The following PIEZO1 variants were observed in gnomAD, a reference collection of about 807,000 sequenced individuals.
The protein encoded by PIEZO1 is piezo-type mechanosensitive ion channel component 1.
Under a neutral mutation model 297.2 loss-of-function variants are expected in PIEZO1, and 296 were observed. The ratio of observed to expected loss-of-function variants is 1.00; its 90% CI spans 0.91 to 1.10. PIEZO1 has a LOEUF of 1.10. PIEZO1 is among the 50% of genes least tolerant of loss of function. The probability of loss-of-function intolerance (pLI) is 0.00; values close to 1 mark genes in which losing one functional copy is unlikely to be tolerated. For synonymous variants in PIEZO1, 2,427 were observed against 1,507.5 expected, an observed-to-expected ratio of 1.61 and a Z score of -14.13; for missense variants, 5,018 against 3,455.5, an observed-to-expected ratio of 1.45 and a Z score of -11.34.
chr16:88,756,613 C>T (rs1906668496), intron 1 of PIEZO1, among the ~76,000 whole-genome samples: 2 of 152,140 alleles, frequency 1.3e-5, no homozygotes, highest in South Asian at 4.2e-4. Flanking sequence ...ACTAAAAATA[C>T]AAAATGTATC....
chr16:88,733,212 A>T (rs1311459061), intron 19 of PIEZO1, 66 bp downstream of exon 19: 1 of 1,406,034 alleles, frequency 7.1e-7, no homozygotes, highest in Non-Finnish European at 9.7e-7. Context: ...CTGCCCCAGG[A>T]GGGTCGGGCT....
rs1039780514 is a variant in PIEZO1 at position 88,715,499 on chromosome 16, C to T, written c.*106G>A. 29 of 1,189,604 alleles carry T rather than the reference C, an allele frequency of 2.4e-5. No homozygotes were observed. Among genetic ancestry groups the T allele is most frequent in the Middle Eastern group, 2.8e-4 (1 of 3,636 alleles). The allele number at this position is 1,189,604 out of a possible 1,614,324, so 73.7% of individuals were successfully genotyped here. A position where few individuals can be genotyped will look rare whatever the true frequency, so the allele number is the denominator to read the frequency against. ...GGCCGGGAGGATGCATCACAGCTGGCGGCCTTGGACGGGGCAGTGGCTCCC... is the reference window on the plus strand; with the variant it reads ...GGCCGGGAGGATGCATCACAGCTGGTGGCCTTGGACGGGGCAGTGGCTCCC... On this transcript the variant is annotated 3_prime_UTR_variant, in exon 51 of 51. Transcript: ENST00000301015.
intron 1 of PIEZO1, among the ~76,000 whole-genome samples, chr16:88,779,340 G>C (rs1266739892): frequency 4.6e-5 from 7 of 152,202 alleles, no homozygotes; most frequent in Non-Finnish European, 5.9e-5. Flanking sequence ...CGCCCGGCAA[G>C]GGATCCCATT....
chr16:88,773,815 C>T (rs1402842654), intron 1 of PIEZO1, among the ~76,000 whole-genome samples: 1 of 152,082 alleles, frequency 6.6e-6, no homozygotes, highest in Non-Finnish European at 1.5e-5. Flanking sequence ...CCTGGGTGGT[C>T]TTAGGAAGAG....
intron 19 of PIEZO1, chr16:88,733,059 G>T: frequency 3.4e-6 from 2 of 589,950 alleles, no homozygotes; most frequent in Non-Finnish European, 6.0e-6. Flanking sequence ...CTGGGACTCC[G>T]CCCCTACTGG....
chr16:88,737,672 G>T (rs1389703357), intron 9 of PIEZO1, 26 bp from the exon 10 acceptor site: 3 of 1,532,692 alleles, frequency 2.0e-6, no homozygotes, highest in Non-Finnish European at 2.6e-6. Flanking sequence ...GCTGAGCCAT[G>T]CACGGGCTGG....
intron 30 of PIEZO1, 33 bp from the exon 31 acceptor site, chr16:88,724,004 C>G (rs1423116251): frequency 7.6e-7 from 1 of 1,323,202 alleles, no homozygotes; most frequent in Non-Finnish European, 1.1e-6. Flanking sequence ...GCCAGCCTTC[C>G]ATGCAGGGAG....
rs1289734021 is a variant in PIEZO1 at position 88,734,645 on chromosome 16, C to T, written c.1997+5G>A. 1 of 1,550,084 alleles carries T rather than the reference C, an allele frequency of 6.5e-7. No individual in the cohort carries two copies. The highest frequency in any genetic ancestry group is 8.7e-7 in the Non-Finnish European group (1 of 1,146,898). On this transcript the variant is annotated splice_donor_5th_base_variant and intron_variant, in intron 15 of 50. Transcript: ENST00000301015. ...CCCTGCCCCACCGCCCCAGCCTGGA[C>T]TCACTGCTCGTCGGTGAAGCCAGTG... is the stretch of plus-strand genomic sequence containing the variant.
intron 1 of PIEZO1, among the ~76,000 whole-genome samples, chr16:88,770,405 C>G (rs1204752517): frequency 6.6e-6 from 1 of 152,202 alleles, no homozygotes; most frequent in Non-Finnish European, 1.5e-5. Context: ...CAGTTCCTGT[C>G]TGTGGGGTGG....
rs781333252 is a variant in PIEZO1 at position 88,720,651 on chromosome 16, C to T, written c.5766G>A (p.Ala1922=). Residue 1922 remains alanine (A), a synonymous_variant, in exon 40 of 51, where the codon GCG becomes GCA. Transcript: ENST00000301015. The part of the protein sequence containing the change: ...RPSRSGGRVR[A]AGRRLQGFCL... ...AGAAGCCCTGCAGCCGCCGCCCGGC[C>T]GCCCTTACTCTTCCTCCAGAGCGGC... is the stretch of plus-strand genomic sequence containing the variant. 13 of 1,547,912 alleles carry T rather than the reference C, an allele frequency of 8.4e-6. No individual in the cohort carries two copies. The highest frequency in any genetic ancestry group is 2.7e-5 in the African/African-American group (2 of 73,096).
chr16:88,732,991 G>C (rs913903546), intron 19 of PIEZO1: 2 of 581,610 alleles, frequency 3.4e-6, no homozygotes, highest in African/African-American at 3.7e-5. Context: ...AGGCAGAGAT[G>C]CCTGACTGTC....
At chr16:88,732,264 G>A in intron 21 of PIEZO1, 71 bp downstream of exon 21, 1 of 1,356,554 alleles carries the variant, frequency 7.4e-7, no homozygotes, top group Non-Finnish European at 1.0e-6. Context: ...TGCGGTGCCT[G>A]CACGGTGCAG....
In PIEZO1 at chr16:88,784,915, C is replaced by T; in HGVS notation, c.50G>A (p.Cys17Tyr). 1.4e-6 allele frequency: 2 copies of T among 1,436,300 alleles called. No homozygotes were observed. The highest frequency in any genetic ancestry group is 1.3e-5 in the South Asian group (1 of 76,934). The allele number at this position is 1,436,300 out of a possible 1,614,324, so 89.0% of individuals were successfully genotyped here. ...CCCCCACTCACCAGCCAGCAGCGCG[C>T]AGGGCAGCAGCAGCCAGTACAGGAC... ...GAVLYWLLLP[C>Y]ALLAACLLRF... Residue 17 changes from cysteine (C) to tyrosine (Y), a missense_variant, in exon 1 of 51, where the codon TGC (cysteine) becomes TAC (tyrosine). Cys to Tyr is a radical substitution (Grantham distance 194). Coordinates refer to ENST00000301015, the MANE Select transcript of PIEZO1 (RefSeq NM_001142864.4).
intron 1 of PIEZO1, among the ~76,000 whole-genome samples, chr16:88,766,272 G>A (rs549965581): frequency 1.6e-4 from 24 of 152,300 alleles, no homozygotes; most frequent in African/African-American, 5.8e-4. Flanking sequence ...CTAAGGGCCC[G>A]GAGGAGGAAT....
intron 16 of PIEZO1, 81 bp from the exon 17 acceptor site, chr16:88,734,135 ACCGCT>A (rs1246951825): frequency 2.1e-6 from 3 of 1,434,776 alleles, no homozygotes; most frequent in Non-Finnish European, 1.8e-6. Context: ...CCCTGTCGGC[ACCGCT>A]TCTGCTGCAG....
At chr16:88,751,960 C>T (rs947886783) in intron 1 of PIEZO1, among the ~76,000 whole-genome samples, 6 of 152,220 alleles carry the variant, frequency 3.9e-5, no homozygotes, top group Admixed American at 6.5e-5. Flanking sequence ...CGTGGCAGGG[C>T]ACCTTAGTGT....
chr16:88,777,859 C>G (rs974587934), intron 1 of PIEZO1, among the ~76,000 whole-genome samples: 6 of 152,068 alleles, frequency 3.9e-5, no homozygotes, highest in African/African-American at 1.4e-4. Flanking sequence ...ACGCCTGTGC[C>G]TTCCTTCGAG....
chr16:88,716,000 G>C lies in PIEZO1; in HGVS notation c.7249C>G (p.Leu2417Val), dbSNP rs1373788081. 1 of 1,550,236 alleles carries C rather than the reference G, an allele frequency of 6.5e-7. No homozygotes were observed. Among genetic ancestry groups the C allele is most frequent in the East Asian group, 2.4e-5 (1 of 40,916 alleles). ...TCACTGAAAATGACCATGGGCAGCA[G>C]GTTGCAGTCGGTCCGGCACTCCTGC... ...ELQECRTDCNLLPMVIFSDKV... is the reference protein window; with the variant it reads ...ELQECRTDCNVLPMVIFSDKV... Residue 2417 changes from leucine (L) to valine (V), a missense_variant, in exon 50 of 51, where the codon CTG (leucine) becomes GTG (valine). Leu to Val is a conservative substitution (Grantham distance 32). Coordinates refer to ENST00000301015, the MANE Select transcript of PIEZO1 (RefSeq NM_001142864.4).
Position 88,732,407 on chromosome 16 carries a change from C to T in PIEZO1, c.2919G>A (p.Gln973=), listed in dbSNP as rs1315312405. The change falls in exon 21 of 51, where the codon CAG becomes CAA. Residue 973 remains glutamine (Q), a synonymous_variant. Transcript: ENST00000301015. ...AGCCGAGCAGATCCTGGTCCAGCTG[C>T]TGGCGGGTGCCGCTGGCAAACACGG... The part of the protein sequence containing the change: ...AQAVFASGTR[Q]QLDQDLLGCL... The T allele has an allele frequency of 1.9e-6, 3 of 1,549,702 alleles. No individual in the cohort carries two copies. The highest frequency in any genetic ancestry group is 2.7e-5 in the African/African-American group (2 of 73,034).
Sources: allele counts gnomAD v4.1 joint callset (sites outside exome capture counted in the v4.1 genomes callset), GRCh38; gene constraint gnomAD v4.1.1; transcripts MANE v1.5; gene names NCBI Gene and HGNC (gene_info 2026-07-23, HGNC 2026-07-21).